XPR1: variants seen among roughly 807,000 people sequenced by gnomAD.
The protein encoded by XPR1 is solute carrier family 53 member 1.
XPR1 carries 28 observed loss-of-function variants against 87.5 expected under a neutral mutation model. The observed-to-expected ratio is 0.32, with a 90% CI of 0.24 to 0.44. XPR1 has a LOEUF of 0.44. Among genes scored for constraint, XPR1 ranks in the 20% least tolerant of loss-of-function variants. XPR1 has a pLI of 1.00. For missense variants in XPR1, 559 were observed against 862.3 expected, an observed-to-expected ratio of 0.65 and a Z score of 4.41; for synonymous variants, 300 against 306.1, an observed-to-expected ratio of 0.98 and a Z score of 0.21.
intron 1 of XPR1, among the ~76,000 whole-genome samples, chr1:180,650,144 G>A (rs1039830013): frequency 6.6e-6 from 1 of 151,730 alleles, no homozygotes; most frequent in African/African-American, 2.4e-5. Context: ...AAAATTCCTC[G>A]ATTGTCATTT....
intron 2 of XPR1, among the ~76,000 whole-genome samples, chr1:180,697,655 C>CACTTGT (rs1172098271): frequency 2.8e-4 from 43 of 152,126 alleles, no homozygotes; most frequent in African/African-American, 1.0e-3. Flanking sequence ...GTTCTATTTT[C>CACTTGT]ACTTGTTTTA....
intron 11 of XPR1, among the ~76,000 whole-genome samples, chr1:180,837,087 A>G (rs1028733048): frequency 6.6e-6 from 1 of 152,212 alleles, no homozygotes; most frequent in Non-Finnish European, 1.5e-5. Flanking sequence ...GCAATCAAGT[A>G]TATTTTTAAT....
intron 2 of XPR1, among the ~76,000 whole-genome samples, chr1:180,742,419 ATG>A (rs1259763716): frequency 6.6e-6 from 1 of 151,880 alleles, no homozygotes; most frequent in African/African-American, 2.4e-5. Flanking sequence ...TTTAATTTCC[ATG>A]TGTTTGGAGA....
chr1:180,865,479 C>G (rs577146530), intron 12 of XPR1, among the ~76,000 whole-genome samples: 9 of 151,380 alleles, frequency 5.9e-5, no homozygotes, highest in South Asian at 2.1e-4. Flanking sequence ...CGGCTCACTG[C>G]CAGCTCCACC....
At chr1:180,651,144 C>T (rs998608643) in intron 1 of XPR1, among the ~76,000 whole-genome samples, 7 of 151,284 alleles carry the variant, frequency 4.6e-5, no homozygotes, top group South Asian at 2.1e-4. Flanking sequence ...TTGCTTTTGC[C>T]GCCCAGGCTG....
chr1:180,711,583 C>T lies in XPR1; in HGVS notation c.121+29172C>T, dbSNP rs578203422. Among the ~76,000 whole-genome samples, 71 of 149,246 alleles carry T rather than the reference C, an allele frequency of 4.8e-4. 1 individual carries two copies. In the Middle Eastern group the frequency reaches 0.01, roughly 22 times the overall value. On this transcript the variant is annotated intron_variant, in intron 2 of 14. Transcript: ENST00000367590. The stretch of plus-strand genomic sequence containing the variant: ...GGGGCAGTACAGTCCAGCTTGGGCT[C>T]GGCGTCAGAGGGAGACCGTGGGGAG...
intron 1 of XPR1, among the ~76,000 whole-genome samples, chr1:180,650,920 C>G (rs1655272711): frequency 6.6e-6 from 1 of 152,050 alleles, no homozygotes; most frequent in Non-Finnish European, 1.5e-5. Context: ...AATATGTTTT[C>G]TGATAAATTG....
At chr1:180,677,893 G>T (rs1656420495) in intron 1 of XPR1, among the ~76,000 whole-genome samples, 1 of 152,200 alleles carries the variant, frequency 6.6e-6, no homozygotes, top group Admixed American at 6.5e-5. Context: ...GGTTAGATCA[G>T]ATCTTTTGTA....
intron 1 of XPR1, among the ~76,000 whole-genome samples, chr1:180,681,712 G>T (rs1656583633): frequency 6.6e-6 from 1 of 152,092 alleles, no homozygotes; most frequent in Non-Finnish European, 1.5e-5. Flanking sequence ...CTCTCTCCCA[G>T]GCTGGGGTGT....
intron 9 of XPR1, among the ~76,000 whole-genome samples, chr1:180,828,848 C>T (rs540673895): frequency 6.6e-6 from 1 of 152,188 alleles, no homozygotes; most frequent in Non-Finnish European, 1.5e-5. Flanking sequence ...CCCTATTAGT[C>T]ACTTATGTTA....
chr1:180,757,393 TGAA>T (rs1300086918), intron 2 of XPR1, among the ~76,000 whole-genome samples: 1 of 151,950 alleles, frequency 6.6e-6, no homozygotes, highest in Non-Finnish European at 1.5e-5. Context: ...ATCTCACAAA[TGAA>T]GAATGTCAGT....
In XPR1 at chr1:180,699,645, T is replaced by C. The variant is rs1233573848; in HGVS notation, c.121+17234T>C. ...GACATTTGGGTTGGTTCCAAGTCTT[T>C]GCTATTGTGAATAGTGCCGCAGTAA... On this transcript the variant is annotated intron_variant, in intron 2 of 14. Transcript: ENST00000367590. Among the ~76,000 whole-genome samples, 6 of 122,694 alleles carry C rather than the reference T, an allele frequency of 4.9e-5. No individual in the cohort carries two copies. In the East Asian group the frequency reaches 1.3e-3, roughly 27 times the overall value. 80.5% of individuals were successfully genotyped at this position (122,694 alleles called of 152,430 possible).
chr1:180,658,820 C>T (rs1452303376), intron 1 of XPR1, among the ~76,000 whole-genome samples: 2 of 151,808 alleles, frequency 1.3e-5, no homozygotes, highest in Non-Finnish European at 2.9e-5. Context: ...CCACCCGCCT[C>T]GGCCTCCCAA....
chr1:180,686,680 T>C (rs1434744323), intron 2 of XPR1, among the ~76,000 whole-genome samples: 1 of 152,180 alleles, frequency 6.6e-6, no homozygotes, highest in Non-Finnish European at 1.5e-5. Flanking sequence ...TCGAGAATAT[T>C]CTAAGTTGGA....
Position 180,632,261 on chromosome 1 carries a change from C to T in XPR1, c.60C>T (p.Ile20=). Residue 20 remains isoleucine (I), a synonymous_variant, in exon 1 of 15, where the codon ATC becomes ATT. Coordinates refer to ENST00000367590, the MANE Select transcript of XPR1 (RefSeq NM_004736.4). The part of the protein sequence containing the change: ...HITPEWRKQY[I]QYEAFKDMLY... Reference sequence around the variant, plus strand: ...CTCCCGAGTGGAGGAAGCAATACATCCAGTATGAGGTACCGGCACGGCTGG... The same window carrying T: ...CTCCCGAGTGGAGGAAGCAATACATTCAGTATGAGGTACCGGCACGGCTGG... The T allele has an allele frequency of 1.2e-6, 2 of 1,612,290 alleles. No homozygotes were observed. The highest frequency in any genetic ancestry group is 1.1e-5 in the South Asian group (1 of 90,770).
At chr1:180,848,541 ATTTTCT>A (rs1308442895) in intron 11 of XPR1, among the ~76,000 whole-genome samples, 1 of 151,986 alleles carries the variant, frequency 6.6e-6, no homozygotes, top group Admixed American at 6.6e-5. Flanking sequence ...TATACACCAC[ATTTTCT>A]TTATCCATTT....
At chr1:180,763,957 A>G (rs1254322540) in intron 2 of XPR1, among the ~76,000 whole-genome samples, 1 of 152,222 alleles carries the variant, frequency 6.6e-6, no homozygotes, top group African/African-American at 2.4e-5. Flanking sequence ...CTAACAGCTG[A>G]TACAGATATT....
At chr1:180,755,853 G>A (rs1647718184) in intron 2 of XPR1, among the ~76,000 whole-genome samples, 1 of 152,166 alleles carries the variant, frequency 6.6e-6, no homozygotes, top group African/African-American at 2.4e-5. Context: ...GAAGATGTAT[G>A]TCACCTTGTA....
chr1:180,681,962 T>C (rs192749377), intron 1 of XPR1, among the ~76,000 whole-genome samples: 21 of 152,378 alleles, frequency 1.4e-4, no homozygotes, highest in Non-Finnish European at 2.6e-4. Context: ...ATGTTACATG[T>C]ACCTTACTAC....
Sources: allele counts gnomAD v4.1 joint callset (sites outside exome capture counted in the v4.1 genomes callset), GRCh38; gene constraint gnomAD v4.1.1; transcripts MANE v1.5; gene names NCBI Gene and HGNC (gene_info 2026-07-23, HGNC 2026-07-21).